ARHGEF10: variants seen among roughly 807,000 people sequenced by gnomAD.
ARHGEF10 encodes the protein Rho guanine nucleotide exchange factor (GEF) 10.
A neutral mutation model predicts 147.4 loss-of-function variants in ARHGEF10; 140 were observed. That is an observed-to-expected ratio of 0.95 (90% CI 0.83 to 1.09). The LOEUF (loss-of-function observed/expected upper bound fraction) is 1.09. ARHGEF10 is among the 50% of genes least tolerant of loss of function. The probability of loss-of-function intolerance (pLI) is 0.00; values close to 1 mark genes in which losing one functional copy is unlikely to be tolerated. For missense variants in ARHGEF10, 2,222 were observed against 1,752.7 expected, an observed-to-expected ratio of 1.27 and a Z score of -4.78; for synonymous variants, 902 against 695.8, an observed-to-expected ratio of 1.30 and a Z score of -4.67.
rs776340801 is a variant in ARHGEF10, at chr8:1,859,976, A to G, written c.273A>G (p.Pro91=). ...TKLVLPMKVN[P]YSVIDITPFQ... is the part of the protein sequence containing the mutation. Reference sequence around the variant, plus strand: ...TGGTGCTCCCGATGAAAGTCAACCCATATTCTGTCATCGACATCACGCCAT... The same window carrying G: ...TGGTGCTCCCGATGAAAGTCAACCCGTATTCTGTCATCGACATCACGCCAT... The change falls in exon 4 of 29, where the codon CCA becomes CCG. Residue 91 remains proline, a synonymous_variant. Coordinates refer to ENST00000349830, the MANE Select transcript of ARHGEF10 (RefSeq NM_014629.4). The G allele has an allele frequency of 2.4e-5, 39 of 1,614,156 alleles. No individual in the cohort carries two copies. The South Asian group carries it at 3.8e-4, about 16-fold the overall frequency.
At chr8:1,878,056 A>C (rs1807856675) in intron 8 of ARHGEF10, among the ~76,000 whole-genome samples, 1 of 152,090 alleles carries the variant, frequency 6.6e-6, no homozygotes, top group Non-Finnish European at 1.5e-5. Context: ...ACTCAAGGAG[A>C]ATCTACTAGA....
At chr8:1,928,240 T>A (rs940153753) in intron 23 of ARHGEF10, among the ~76,000 whole-genome samples, 187 bp from the exon 24 acceptor site, 3 of 152,192 alleles carry the variant, frequency 2.0e-5, no homozygotes, top group Non-Finnish European at 2.9e-5. Flanking sequence ...GAAAACTGAA[T>A]TAAATGTGTT....
At chr8:1,877,883 C>T (rs775585117) in intron 8 of ARHGEF10, among the ~76,000 whole-genome samples, 10 of 151,948 alleles carry the variant, frequency 6.6e-5, no homozygotes, top group Non-Finnish European at 1.0e-4. Context: ...AACGGATGCC[C>T]GCCATAGTGA....
chr8:1,834,591 G>A (rs1041164928), intron 1 of ARHGEF10, among the ~76,000 whole-genome samples: 3 of 152,136 alleles, frequency 2.0e-5, no homozygotes, highest in African/African-American at 7.2e-5. Flanking sequence ...CCCTCCCTCT[G>A]TCCGTCCATC....
At chr8:1,882,825 G>A (rs1808331601) in intron 10 of ARHGEF10, 76 bp downstream of exon 10, 1 of 737,192 alleles carries the variant, frequency 1.4e-6, no homozygotes, top group Non-Finnish European at 2.2e-6. Context: ...GGAGGACTCG[G>A]GGTGGGGGGC....
intron 18 of ARHGEF10, among the ~76,000 whole-genome samples, chr8:1,911,658 C>G (rs931612124): frequency 6.6e-6 from 1 of 152,084 alleles, no homozygotes; most frequent in African/African-American, 2.4e-5. Flanking sequence ...CAGGGTGGAC[C>G]GACAGTCTCT....
rs1815704999 is a variant in ARHGEF10, at chr8:1,957,908, TAAC to T, written c.*647_*649del. The stretch of plus-strand genomic sequence containing the variant: ...GTATTGCATTTTTCTATTAAAAAAT[TAAC>T]AGTTAATGTTTCAGTCAATGTATTA... On this transcript the variant is annotated 3_prime_UTR_variant, in exon 29 of 29. Transcript: ENST00000349830. 6.6e-6 allele frequency: 1 copy of T among 152,310 alleles called. No homozygotes were observed. The highest frequency in any genetic ancestry group is 1.5e-5 in the Non-Finnish European group (1 of 68,124). The allele number at this position is 152,310 out of a possible 1,614,324, so 9.4% of individuals were successfully genotyped here.
chr8:1,950,621 C>T (rs1316876134), intron 27 of ARHGEF10, among the ~76,000 whole-genome samples: 1 of 151,942 alleles, frequency 6.6e-6, no homozygotes, highest in East Asian at 1.9e-4. Flanking sequence ...CAACCTCCGC[C>T]TCCCGGGTTC....
rs776940451 is a variant in ARHGEF10, at chr8:1,896,484, C to A, written c.1557+35C>A. Reference sequence around the variant, plus strand: ...TTTTTTTTTCATTTGGGTTTTAACACCATCTGATAACAAGTTACATGTCAA... The same window carrying A: ...TTTTTTTTTCATTTGGGTTTTAACAACATCTGATAACAAGTTACATGTCAA... On this transcript the variant is annotated intron_variant, in intron 14 of 28. Transcript: ENST00000349830. 2.8e-6 allele frequency: 4 copies of A among 1,403,544 alleles called. No homozygotes were observed. The South Asian group carries it at 3.5e-5, about 12-fold the overall frequency. The allele number at this position is 1,403,544 out of a possible 1,614,324, so 86.9% of individuals were successfully genotyped here.
At chr8:1,827,589 AGCCACTGCAT>A (rs1802843869) in intron 1 of ARHGEF10, among the ~76,000 whole-genome samples, 1 of 152,224 alleles carries the variant, frequency 6.6e-6, no homozygotes, top group African/African-American at 2.4e-5. Flanking sequence ...TACAGGCGTG[AGCCACTGCAT>A]GCCCCGTCAA....
intron 7 of ARHGEF10, among the ~76,000 whole-genome samples, chr8:1,875,252 G>A (rs577817173): frequency 1.3e-5 from 2 of 149,202 alleles, no homozygotes; most frequent in Non-Finnish European, 3.0e-5. Context: ...ACACACCAGG[G>A]CGTGTAGGGG....
chr8:1,910,448 C>G (rs117035728), intron 18 of ARHGEF10, among the ~76,000 whole-genome samples: 219 of 152,276 alleles, frequency 1.4e-3, no homozygotes, highest in Non-Finnish European at 2.7e-3. Context: ...ATTCGTCAAG[C>G]ATATTATTAC....
rs150257864 is a variant in ARHGEF10, at chr8:1,841,152, G to C, written c.-47-2201G>C. ...GCCAGCTGCCCTCTGCTGTAGCCTT[G>C]GGTGAGTGTCTCAAGTCTCCCAACC... On this transcript the variant is annotated intron_variant, in intron 1 of 28. Transcript: ENST00000349830. 3.0e-4 allele frequency among the ~76,000 whole-genome samples: 46 copies of C among 152,230 alleles called. No homozygotes were observed. In the East Asian group the frequency reaches 7.3e-3, roughly 24 times the overall value.
chr8:1,908,861 A>T (rs1313002662), intron 17 of ARHGEF10, among the ~76,000 whole-genome samples: 1 of 152,170 alleles, frequency 6.6e-6, no homozygotes, highest in African/African-American at 2.4e-5. Context: ...GTATGATTTG[A>T]TTCTATTAAA....
chr8:1,871,300 C>T (rs899275194), intron 7 of ARHGEF10, among the ~76,000 whole-genome samples: 2 of 149,496 alleles, frequency 1.3e-5, no homozygotes, highest in African/African-American at 2.5e-5. Flanking sequence ...TAACAAATGC[C>T]AAAGAATGGA....
rs1424324352 is a variant in ARHGEF10 at position 1,922,987 on chromosome 8, C to G, written c.2167C>G (p.Gln723Glu). The G allele has an allele frequency of 6.2e-7, 1 of 1,613,130 alleles. No individual in the cohort carries two copies. The highest frequency in any genetic ancestry group is 1.1e-5 in the South Asian group (1 of 91,040). The change falls in exon 19 of 29, where the codon CAA becomes GAA. Residue 723 changes from glutamine (Q) to glutamate (E), a missense_variant. Gln to Glu is a conservative substitution (Grantham distance 29). Transcript: ENST00000349830. ...AGACAAAGTTTACATGGGGCCAGGACAACTGTATCAAGATTTACAAAACTT... is the reference window on the plus strand; with the variant it reads ...AGACAAAGTTTACATGGGGCCAGGAGAACTGTATCAAGATTTACAAAACTT... Reference protein sequence around the residue: ...KPNKVYMGPGQLYQDLQNLLH... With the variant: ...KPNKVYMGPGELYQDLQNLLH...
chr8:1,840,316 G>C (rs1484017832), intron 1 of ARHGEF10, among the ~76,000 whole-genome samples: 4 of 142,824 alleles, frequency 2.8e-5, no homozygotes, highest in Admixed American at 6.9e-5. Flanking sequence ...TGTGGGGACT[G>C]TCTGGTGTGG....
rs1398499050 is a variant in ARHGEF10 at position 1,889,320 on chromosome 8, TAGGAGACACTGAGTGGGTAAGAGTTGTG to T, written c.1182+3631_1182+3658del. On this transcript the variant is annotated intron_variant, in intron 11 of 28. Transcript: ENST00000349830. ...AGATACTGCATGGGGTGAGCTTTCT[TAGGAGACACTGAGTGGGTAAGAGTTGTG>T]AGGAGACACTGAGTGGGGTGAGGGG... 4.9e-5 allele frequency among the ~76,000 whole-genome samples: 4 copies of T among 82,164 alleles called. 1 individual carries two copies. The highest frequency in any genetic ancestry group is 1.7e-4 in the African/African-American group (3 of 17,346). 53.9% of individuals were successfully genotyped at this position (82,164 alleles called of 152,430 possible). A position where few individuals can be genotyped will look rare whatever the true frequency, so the allele number is the denominator to read the frequency against.
chr8:1,866,557 C>G lies in ARHGEF10; in HGVS notation c.577C>G (p.Leu193Val), dbSNP rs373032561. The change falls in exon 6 of 29, where the codon CTT becomes GTT. Residue 193 changes from leucine to valine, a missense_variant. Coordinates refer to ENST00000349830, the MANE Select transcript of ARHGEF10 (RefSeq NM_014629.4). ...TCAAGTCGGTCGAGAGGACAGCGCA[C>G]TTGCCCGCTGGGCCGCAGACCCGGC... Reference protein sequence around the residue: ...EDQVGREDSALARWAADPANT... With the variant: ...EDQVGREDSAVARWAADPANT... The G allele has an allele frequency of 6.2e-7, 1 of 1,609,630 alleles. No homozygotes were observed. Among genetic ancestry groups the G allele is most frequent in the Non-Finnish European group, 8.5e-7 (1 of 1,180,000 alleles).
Sources: allele counts gnomAD v4.1 joint callset (sites outside exome capture counted in the v4.1 genomes callset), GRCh38; gene constraint gnomAD v4.1.1; transcripts MANE v1.5; gene names NCBI Gene and HGNC (gene_info 2026-07-23, HGNC 2026-07-21).